The following STAB1 variants were observed in gnomAD, a reference collection of about 807,000 sequenced individuals.
STAB1 encodes the protein stabilin-1.
In STAB1, 250 loss-of-function variants were observed where a neutral mutation model predicts 332.4. That is an observed-to-expected ratio of 0.75 (90% CI 0.68 to 0.84). The LOEUF (loss-of-function observed/expected upper bound fraction) is 0.84, where lower values mean the gene tolerates loss of function less well. Ranked by LOEUF, STAB1 falls within the 40% of genes least tolerant of loss-of-function variation. The pLI, the probability that STAB1 is intolerant of heterozygous loss-of-function variation, is 0.00. For missense variants in STAB1, 3,249 were observed against 3,489.7 expected, an observed-to-expected ratio of 0.93 and a Z score of 1.74; for synonymous variants, 1,475 against 1,390.4, an observed-to-expected ratio of 1.06 and a Z score of -1.35.
chr3:52,517,241 G>A, intron 42 of STAB1, 79 bp from the exon 43 acceptor site: 1 of 1,493,604 alleles, frequency 6.7e-7, no homozygotes, highest in Non-Finnish European at 9.0e-7. Flanking sequence ...AGGAGGGGGT[G>A]GGACAGATGA....
intron 1 of STAB1, among the ~76,000 whole-genome samples, chr3:52,499,575 T>TGCC (rs1708282884): frequency 3.3e-5 from 5 of 152,160 alleles, no homozygotes; most frequent in African/African-American, 4.8e-5. Flanking sequence ...GCGACTGTAT[T>TGCC]CTCCATGCAG....
At position 52,504,985 on chromosome 3, in the gene STAB1, C is replaced by A; in HGVS notation, c.1378-18C>A. On this transcript the variant is annotated intron_variant, in intron 12 of 68. Coordinates refer to ENST00000321725, the MANE Select transcript of STAB1 (RefSeq NM_015136.3). ...GGCTGGCATATGGGATCTGGCCAGA[C>A]CTCTTGTGTCTCACCAGAAATACTC... 2 of 1,613,458 alleles carry A rather than the reference C, an allele frequency of 1.2e-6. No homozygotes were observed. The highest frequency in any genetic ancestry group is 1.7e-6 in the Non-Finnish European group (2 of 1,179,832).
chr3:52,507,440 GCC>G (rs1256096199), intron 18 of STAB1, among the ~76,000 whole-genome samples, 171 bp from the exon 19 acceptor site: 1 of 152,234 alleles, frequency 6.6e-6, no homozygotes, highest in African/African-American at 2.4e-5. Flanking sequence ...CTCTAGCTCT[GCC>G]CGGCTCGGGG....
rs779660904 is a variant in STAB1, at chr3:52,523,241, A to G, written c.7040A>G (p.Asn2347Ser). ...TGCCAGATGCTATTGGGCTATGCCA[A>G]TGCCACCCAGCGGGGTCTCGACTTC... ...TFYGMLLGYA[N>S]ATQRGLDFLD... Residue 2347 changes from asparagine (N) to serine (S), a missense_variant, in exon 64 of 69, where the codon AAT becomes AGT. Asn to Ser is a conservative substitution (Grantham distance 46, BLOSUM62 1). Coordinates refer to ENST00000321725, the MANE Select transcript of STAB1 (RefSeq NM_015136.3). The G allele has an allele frequency of 5.6e-6, 9 of 1,613,144 alleles. No homozygotes were observed. Among genetic ancestry groups the G allele is most frequent in the South Asian group, 3.3e-5 (3 of 91,088 alleles).
chr3:52,512,946 C>G lies in STAB1; in HGVS notation c.3146C>G (p.Pro1049Arg), dbSNP rs553345383. The G allele has an allele frequency of 5.6e-6, 9 of 1,609,904 alleles. No homozygotes were observed. In the East Asian group the frequency reaches 1.1e-4, roughly 20 times the overall value. ...TTCTGGCTGCAGCCAAGGACGCTGC[C>G]GAACCTGGTCAGGTGGGGCCGCCAT... ...RAFWLQPRTL[P>R]NLVRAHFLQG... Residue 1049 changes from proline to arginine, a missense_variant, in exon 29 of 69, where the codon CCG (proline) becomes CGG (arginine). Coordinates refer to ENST00000321725, the MANE Select transcript of STAB1 (RefSeq NM_015136.3).
chr3:52,516,244 G>A lies in STAB1; in HGVS notation c.4144+6G>A, dbSNP rs767102448. 1.0e-5 allele frequency: 16 copies of A among 1,601,926 alleles called. No individual in the cohort carries two copies. Among genetic ancestry groups the A allele is most frequent in the Admixed American group, 3.4e-5 (2 of 59,356 alleles). On this transcript the variant is annotated splice_donor_region_variant and intron_variant, in intron 38 of 68. Transcript: ENST00000321725. ...CGGGCCCAACTGCACCGGAGGTGAG[G>A]ACTGGGGAGGGGCGGGGGTGGGCCT...
At chr3:52,517,184 G>A in intron 42 of STAB1, 75 bp downstream of exon 42, 5 of 1,507,852 alleles carry the variant, frequency 3.3e-6, no homozygotes, top group African/African-American at 1.4e-5. Context: ...AGATTAGGAA[G>A]GGCTGAAGGG....
Position 52,523,122 on chromosome 3 carries a change from C to T in STAB1, c.7008C>T (p.Ser2336=), listed in dbSNP as rs756745801. The T allele has an allele frequency of 1.9e-6, 3 of 1,586,656 alleles. No homozygotes were observed. The highest frequency in any genetic ancestry group is 2.3e-5 in the South Asian group (2 of 86,660). Residue 2336 remains serine (S), a synonymous_variant, in exon 63 of 69, where the codon TCC becomes TCT. Transcript: ENST00000321725. ...LDVLAATANF[S]TFYGMLLGYA... is the part of the protein sequence containing the mutation. ...TGCTGGCTGCCACTGCCAACTTCTC[C>T]ACCTTCTATGGGGTGTGTGGGGGCC...
rs200943641 is a variant in STAB1, at chr3:52,523,231, G to A, written c.7030G>A (p.Gly2344Ser). Residue 2344 changes from glycine to serine, a missense_variant, in exon 64 of 69, where the codon GGC (glycine) becomes AGC (serine). Physicochemically the swap from Gly to Ser is moderately conservative, Grantham distance 56 (BLOSUM62 0). Transcript: ENST00000321725. ...NFSTFYGMLLGYANATQRGLD... is the reference protein window; with the variant it reads ...NFSTFYGMLLSYANATQRGLD... ...CTTTCCACCGTGCCAGATGCTATTGGGCTATGCCAATGCCACCCAGCGGGG... is the reference window on the plus strand; with the variant it reads ...CTTTCCACCGTGCCAGATGCTATTGAGCTATGCCAATGCCACCCAGCGGGG... 6.2e-7 allele frequency: 1 copy of A among 1,613,218 alleles called. No homozygotes were observed. Among genetic ancestry groups the A allele is most frequent in the Non-Finnish European group, 8.5e-7 (1 of 1,180,002 alleles).
Position 52,513,897 on chromosome 3 carries a change from C to A in STAB1, c.3363C>A (p.Pro1121=). ...CTCTGTACCAGGTCTTACTGCCCCCCCGAGGGGATGTGCCCGGTGGGCAGG... is the reference window on the plus strand; with the variant it reads ...CTCTGTACCAGGTCTTACTGCCCCCACGAGGGGATGTGCCCGGTGGGCAGG... ...LHILSQVLLP[P]RGDVPGGQGL... The change falls in exon 32 of 69, where the codon CCC becomes CCA. Residue 1121 remains proline, a synonymous_variant. Transcript: ENST00000321725. The A allele has an allele frequency of 1.2e-6, 2 of 1,604,718 alleles. No homozygotes were observed. Among genetic ancestry groups the A allele is most frequent in the Non-Finnish European group, 1.7e-6 (2 of 1,173,374 alleles).
At chr3:52,498,433 C>A (rs137987783) in intron 1 of STAB1, among the ~76,000 whole-genome samples, 9 of 152,324 alleles carry the variant, frequency 5.9e-5, no homozygotes, top group African/African-American at 1.9e-4. Context: ...GGCCATGGGG[C>A]GGAGGCAGGG....
chr3:52,517,973 C>T lies in STAB1; in HGVS notation c.4731C>T (p.Asp1577=), dbSNP rs773972975. The T allele has an allele frequency of 1.9e-5, 31 of 1,606,738 alleles. No homozygotes were observed. The highest frequency in any genetic ancestry group is 3.3e-5 in the South Asian group (3 of 89,982). The stretch of plus-strand genomic sequence containing the variant: ...GCGACACAGCCCACACCGTGGGGGA[C>T]GGCCTCACCTGCCGTGCCCGAGTCG... ...CTCDTAHTVG[D]GLTCRARVGL... Residue 1577 remains aspartate (D), a synonymous_variant, in exon 45 of 69, where the codon GAC becomes GAT. Transcript: ENST00000321725.
chr3:52,506,991 C>A, intron 18 of STAB1, 141 bp downstream of exon 18: 1 of 1,146,698 alleles, frequency 8.7e-7, no homozygotes, highest in Non-Finnish European at 1.2e-6. Flanking sequence ...CTCCCAAGGA[C>A]CCACCTGTGC....
In STAB1 at chr3:52,514,213, G is replaced by C. The variant is rs745558002; in HGVS notation, c.3546G>C (p.Leu1182=). 6.2e-7 allele frequency: 1 copy of C among 1,612,956 alleles called. No homozygotes were observed. The highest frequency in any genetic ancestry group is 1.7e-5 in the Admixed American group (1 of 59,996). The change falls in exon 33 of 69, where the codon CTG becomes CTC. Residue 1182 remains leucine, a splice_region_variant and synonymous_variant. Coordinates refer to ENST00000321725, the MANE Select transcript of STAB1 (RefSeq NM_015136.3). ...SLEAQGNSSH[L]DADTVRHHVV... ...AGGCCCAGGGCAACAGCAGTCACCTGGTGAGGCCGTGGGGATGGGGCAATG... is the reference window on the plus strand; with the variant it reads ...AGGCCCAGGGCAACAGCAGTCACCTCGTGAGGCCGTGGGGATGGGGCAATG...
intron 2 of STAB1, 95 bp from the exon 3 acceptor site, chr3:52,501,543 A>G (rs1403128385): frequency 2.8e-6 from 3 of 1,079,148 alleles, no homozygotes; most frequent in Non-Finnish European, 4.0e-6. Flanking sequence ...CAGAGCAGGG[A>G]GGTGGGTGGG....
In STAB1 at chr3:52,510,198, C is replaced by T; in HGVS notation, c.2591C>T (p.Pro864Leu). Residue 864 changes from proline to leucine, a missense_variant, in exon 24 of 69, where the codon CCC (proline) becomes CTC (leucine). By Grantham distance (98) the Pro-to-Leu change is moderately conservative. Coordinates refer to ENST00000321725, the MANE Select transcript of STAB1 (RefSeq NM_015136.3). ...GDGFSCTPSN[P>L]CSHPDRGGCS... ...GGCTTCTCCTGCACACCTAGCAACC[C>T]CTGCTCCCACCCGGACCGTGGAGGC... 1 of 1,614,038 alleles carries T rather than the reference C, an allele frequency of 6.2e-7. No homozygotes were observed. The highest frequency in any genetic ancestry group is 8.5e-7 in the Non-Finnish European group (1 of 1,180,032).
chr3:52,519,548 T>A lies in STAB1; in HGVS notation c.5219T>A (p.Phe1740Tyr). Residue 1740 changes from phenylalanine to tyrosine, a missense_variant, in exon 50 of 69, where the codon TTC (phenylalanine) becomes TAC (tyrosine). By Grantham distance (22) the Phe-to-Tyr change is conservative. Coordinates refer to ENST00000321725, the MANE Select transcript of STAB1 (RefSeq NM_015136.3). ...AAAQGFGYKI[F>Y]SGLLKVAGLL... ...GCCCAGGGCTTCGGTTACAAGATCT[T>A]CAGCGGCCTCCTGAAGGTACTGCTC... 1 of 1,613,296 alleles carries A rather than the reference T, an allele frequency of 6.2e-7. No homozygotes were observed. Among genetic ancestry groups the A allele is most frequent in the Non-Finnish European group, 8.5e-7 (1 of 1,179,996 alleles).
intron 32 of STAB1, 42 bp from the exon 33 acceptor site, chr3:52,514,073 G>A (rs755513416): frequency 6.2e-7 from 1 of 1,608,236 alleles, no homozygotes; most frequent in South Asian, 1.1e-5. Context: ...TGTCAGGACT[G>A]ACAACTAATA....
chr3:52,523,818 G>A (rs982645707), intron 66 of STAB1, 53 bp from the exon 67 acceptor site: 3 of 1,583,430 alleles, frequency 1.9e-6, no homozygotes, highest in South Asian at 2.3e-5. Flanking sequence ...TGAGCCCGGG[G>A]AAGGTGGTGG....
Sources: gnomAD v4.1 joint callset for allele counts (sites outside exome capture counted in the v4.1 genomes callset) on GRCh38, gnomAD v4.1.1 for gene constraint, MANE v1.5 for transcripts, NCBI Gene and HGNC (gene_info 2026-07-23, HGNC 2026-07-21) for gene names.